Variants in CTNND2 observed in about 807,000 individuals in gnomAD.
CTNND2 encodes catenin delta-2.
CTNND2 carries 22 observed loss-of-function variants against 144.4 expected under a neutral mutation model. The observed-to-expected ratio is 0.15, with a 90% CI of 0.11 to 0.22. The LOEUF (loss-of-function observed/expected upper bound fraction) is 0.22. CTNND2 is among the 10% of genes least tolerant of loss of function. The pLI, the probability that CTNND2 is intolerant of heterozygous loss-of-function variation, is 1.00. For synonymous variants in CTNND2, 751 were observed against 695.6 expected (o/e 1.08, Z -1.25); for missense variants, 1,353 against 1,618.8 (o/e 0.84, Z 2.82).
At chr5:11,539,670 G>A (rs1774549520) in intron 3 of CTNND2, among the ~76,000 whole-genome samples, 1 of 152,204 alleles carries the variant, frequency 6.6e-6, no homozygotes, top group African/African-American at 2.4e-5. Flanking sequence ...CAGCCAATAT[G>A]AAGCCTTCAA....
At chr5:11,194,834 A>C (rs1736691300) in intron 11 of CTNND2, among the ~76,000 whole-genome samples, 1 of 152,236 alleles carries the variant, frequency 6.6e-6, no homozygotes, top group Non-Finnish European at 1.5e-5. Context: ...AGGAGCTATT[A>C]AAAAACACAA....
intron 3 of CTNND2, among the ~76,000 whole-genome samples, chr5:11,479,980 T>C (rs1581290232): frequency 6.6e-6 from 1 of 152,334 alleles, no homozygotes. Flanking sequence ...CTGCTGATAG[T>C]TTCTTTTGCT....
intron 3 of CTNND2, among the ~76,000 whole-genome samples, chr5:11,453,223 T>C (rs1395748542): frequency 2.0e-5 from 3 of 152,196 alleles, no homozygotes; most frequent in African/African-American, 7.2e-5. Flanking sequence ...GACACAACTA[T>C]TCTATTAATA....
At chr5:11,283,265 A>G (rs1747347473) in intron 9 of CTNND2, among the ~76,000 whole-genome samples, 1 of 152,256 alleles carries the variant, frequency 6.6e-6, no homozygotes, top group Admixed American at 6.5e-5. Context: ...TCACTTGCCC[A>G]TGCCCAGTGT....
chr5:11,161,353 T>C (rs143970661), intron 11 of CTNND2, among the ~76,000 whole-genome samples: 2,909 of 152,310 alleles, frequency 0.019, 47 homozygotes, highest in Non-Finnish European at 0.031. Flanking sequence ...TGTATTGCCA[T>C]TAGTATCCTA....
intron 7 of CTNND2, among the ~76,000 whole-genome samples, chr5:11,380,089 C>A (rs1215751824): frequency 6.6e-6 from 1 of 152,200 alleles, no homozygotes; most frequent in Non-Finnish European, 1.5e-5. Flanking sequence ...CAGGTGCACA[C>A]TGAACCCCAC....
intron 3 of CTNND2, among the ~76,000 whole-genome samples, chr5:11,560,311 C>T (rs982015930): frequency 6.6e-6 from 1 of 152,164 alleles, no homozygotes; most frequent in Non-Finnish European, 1.5e-5. Context: ...GTTGGTCACA[C>T]TCCTCATAAT....
chr5:11,903,169 A>C lies in CTNND2; in HGVS notation c.37+648T>G, dbSNP rs1738049239. 1.0e-6 allele frequency: 1 copy of C among 985,330 alleles called. No homozygotes were observed. The highest frequency in any genetic ancestry group is 1.2e-6 in the Non-Finnish European group (1 of 829,828). The allele number at this position is 985,330 out of a possible 1,614,324, so 61.0% of individuals were successfully genotyped here. On this transcript the variant is annotated intron_variant, in intron 1 of 21. Transcript: ENST00000304623. The surrounding 1 kb of genome is among the most constrained non-coding windows in gnomAD (Gnocchi z 5.4). ...TCCCATACACACGCACAGCCTTCCA[A>C]ACCTGGCTTTCAGGCGGCGCTTTCT...
At chr5:11,798,506 C>T (rs974199487) in intron 1 of CTNND2, among the ~76,000 whole-genome samples, 2 of 152,170 alleles carry the variant, frequency 1.3e-5, no homozygotes, top group Non-Finnish European at 2.9e-5. Flanking sequence ...CAGTGGCTCA[C>T]GCCTGTAATC....
At position 11,084,588 on chromosome 5, in the gene CTNND2, C is replaced by T. The variant is rs1026922444; in HGVS notation, c.2638-1742G>A. Among the ~76,000 whole-genome samples, 5 of 152,148 alleles carry T rather than the reference C, an allele frequency of 3.3e-5. No individual in the cohort carries two copies. The South Asian group carries it at 1.0e-3, about 32-fold the overall frequency. On this transcript the variant is annotated intron_variant, in intron 15 of 21. Transcript: ENST00000304623. ...GCAACATCGGGGAGATATTCTTGAC[C>T]TTCTGGGAGATGGCAGGGGTACTCC...
At chr5:11,079,022 G>A (rs1163511801) in intron 16 of CTNND2, among the ~76,000 whole-genome samples, 1 of 152,172 alleles carries the variant, frequency 6.6e-6, no homozygotes, top group Non-Finnish European at 1.5e-5. Flanking sequence ...CAAATATTAT[G>A]GTTTTTCTTG....
intron 3 of CTNND2, among the ~76,000 whole-genome samples, chr5:11,462,119 C>T (rs1175327835): frequency 6.6e-6 from 1 of 152,038 alleles, no homozygotes; most frequent in African/African-American, 2.4e-5. Context: ...AAATGAATGT[C>T]CCCACCCCAC....
chr5:11,662,000 A>AAC (rs1310987676), intron 2 of CTNND2, among the ~76,000 whole-genome samples: 1 of 150,250 alleles, frequency 6.7e-6, no homozygotes, highest in African/African-American at 2.5e-5. Context: ...CACACACACA[A>AAC]ACACACACAT....
At chr5:11,536,445 G>C (rs1774225626) in intron 3 of CTNND2, among the ~76,000 whole-genome samples, 1 of 152,108 alleles carries the variant, frequency 6.6e-6, no homozygotes, top group Non-Finnish European at 1.5e-5. Context: ...TAGCAGCACA[G>C]TTTGCAACTG....
chr5:11,372,652 A>G (rs1561293440), intron 7 of CTNND2, among the ~76,000 whole-genome samples: 1 of 150,608 alleles, frequency 6.6e-6, no homozygotes. Flanking sequence ...ATCTCACAGG[A>G]AGTAGAAAGT....
At chr5:11,495,617 C>T (rs927890457) in intron 3 of CTNND2, among the ~76,000 whole-genome samples, 3 of 152,138 alleles carry the variant, frequency 2.0e-5, no homozygotes, top group Non-Finnish European at 4.4e-5. Flanking sequence ...GGACTTTGGA[C>T]TCTTGGCTTA....
chr5:11,778,028 G>C (rs1246145667), intron 1 of CTNND2, among the ~76,000 whole-genome samples: 1 of 151,994 alleles, frequency 6.6e-6, no homozygotes, highest in Non-Finnish European at 1.5e-5. Context: ...AACTACCTGT[G>C]ATCTCTTTTA....
intron 1 of CTNND2, among the ~76,000 whole-genome samples, chr5:11,783,117 A>C (rs2126852421): frequency 6.6e-6 from 1 of 152,222 alleles, no homozygotes; most frequent in African/African-American, 2.4e-5. Context: ...CGGAGAGAAG[A>C]GAGAGAGGTT....
intron 1 of CTNND2, among the ~76,000 whole-genome samples, chr5:11,828,967 T>C (rs1793745893): frequency 6.6e-6 from 1 of 152,110 alleles, no homozygotes; most frequent in Non-Finnish European, 1.5e-5. Context: ...GAGGAGGAAC[T>C]TGTTGGGAAC....
Sources: allele counts gnomAD v4.1 joint callset (sites outside exome capture counted in the v4.1 genomes callset), GRCh38; gene constraint gnomAD v4.1.1; non-coding constraint Gnocchi (gnomAD v3.1); transcripts MANE v1.5; gene names NCBI Gene and HGNC (gene_info 2026-07-23, HGNC 2026-07-21).